PLCL2: variants seen among roughly 807,000 people sequenced by gnomAD.
PLCL2 encodes the protein inactive phospholipase C-like protein 2.
PLCL2 carries 4 observed loss-of-function variants against 79.6 expected under a neutral mutation model. The ratio of observed to expected loss-of-function variants is 0.05; its 90% CI spans 0.02 to 0.11. PLCL2 has a LOEUF of 0.11. PLCL2 is among the 10% of genes least tolerant of loss of function. PLCL2 has a pLI of 1.00. For missense variants in PLCL2, 895 were observed against 1,291.0 expected (o/e 0.69, Z 4.70); for synonymous variants, 484 against 457.7 (o/e 1.06, Z -0.73).
At chr3:16,897,364 T>G (rs1696507500) in intron 1 of PLCL2, among the ~76,000 whole-genome samples, 1 of 151,756 alleles carries the variant, frequency 6.6e-6, no homozygotes, top group African/African-American at 2.4e-5. Flanking sequence ...TAATCATTAC[T>G]GTGCAGCTCC....
At position 16,986,133 on chromosome 3, in the gene PLCL2, G is replaced by GA. The variant is rs898406092; in HGVS notation, c.328-23533dup. On this transcript the variant is annotated intron_variant, in intron 1 of 5. Transcript: ENST00000615277. ...GCAGCCAGCCATCAACCCAACTGAGGAAAAAAAATGACTAGAAATGATGTT... is the reference window on the plus strand; with the variant it reads ...GCAGCCAGCCATCAACCCAACTGAGGAAAAAAAAATGACTAGAAATGATGTT... Among the ~76,000 whole-genome samples, 165 of 151,696 alleles carry GA rather than the reference G, an allele frequency of 1.1e-3. 1 individual carries two copies. The highest frequency in any genetic ancestry group is 3.7e-3 in the African/African-American group (153 of 41,350).
At chr3:16,890,511 A>G (rs1251415730) in intron 1 of PLCL2, among the ~76,000 whole-genome samples, 1 of 152,232 alleles carries the variant, frequency 6.6e-6, no homozygotes, top group Non-Finnish European at 1.5e-5. Flanking sequence ...CTAAATGCAG[A>G]TATAAATGAA....
intron 5 of PLCL2, among the ~76,000 whole-genome samples, chr3:17,069,718 A>T (rs2065045144): frequency 6.6e-6 from 1 of 152,204 alleles, no homozygotes; most frequent in African/African-American, 2.4e-5. Flanking sequence ...ATTTGATGTA[A>T]TAAAAGGTAT....
intron 5 of PLCL2, among the ~76,000 whole-genome samples, chr3:17,075,545 T>TAA (rs61190858): frequency 0.21 from 26,680 of 129,538 alleles, 3,055 homozygotes; most frequent in East Asian, 0.54. Flanking sequence ...CTTCAATGTG[T>TAA]AAAAAAAAAA....
At chr3:16,948,753 A>C (rs928011921) in intron 1 of PLCL2, among the ~76,000 whole-genome samples, 3 of 152,214 alleles carry the variant, frequency 2.0e-5, no homozygotes, top group Non-Finnish European at 4.4e-5. Flanking sequence ...TATTCCATTA[A>C]TTTGAAAATA....
intron 1 of PLCL2, among the ~76,000 whole-genome samples, chr3:16,978,588 C>T (rs1045277170): frequency 2.0e-5 from 3 of 152,172 alleles, no homozygotes; most frequent in Non-Finnish European, 4.4e-5. Context: ...GACTAGATAT[C>T]ACCACTGAAA....
At chr3:16,943,052 C>G (rs1251537856) in intron 1 of PLCL2, among the ~76,000 whole-genome samples, 1 of 152,182 alleles carries the variant, frequency 6.6e-6, no homozygotes, top group East Asian at 1.9e-4. Flanking sequence ...TTGACTTGCC[C>G]TGAAGCAGTT....
chr3:17,034,212 A>G (rs1177688018), intron 3 of PLCL2, among the ~76,000 whole-genome samples: 2 of 152,116 alleles, frequency 1.3e-5, no homozygotes, highest in Non-Finnish European at 2.9e-5. Context: ...GAGTTGGACA[A>G]TCTTCAGGGT....
chr3:16,895,152 A>G (rs1292902560), intron 1 of PLCL2, among the ~76,000 whole-genome samples: 1 of 150,374 alleles, frequency 6.7e-6, no homozygotes, highest in East Asian at 2.0e-4. Flanking sequence ...ATATAGATAT[A>G]TGTTGAAAAT....
At chr3:16,928,066 G>C (rs989345160) in intron 1 of PLCL2, among the ~76,000 whole-genome samples, 5 of 152,164 alleles carry the variant, frequency 3.3e-5, no homozygotes, top group Non-Finnish European at 5.9e-5. Context: ...GAGGTTACAT[G>C]ACCAGCCAAA....
chr3:17,036,761 A>G (rs1284118995), intron 3 of PLCL2, among the ~76,000 whole-genome samples: 1 of 152,242 alleles, frequency 6.6e-6, no homozygotes, highest in Non-Finnish European at 1.5e-5. Flanking sequence ...AGAATATCAC[A>G]GCCTGTGCAA....
At chr3:16,934,694 A>G (rs575708741) in intron 1 of PLCL2, among the ~76,000 whole-genome samples, 1 of 152,316 alleles carries the variant, frequency 6.6e-6, no homozygotes, top group Non-Finnish European at 1.5e-5. Context: ...AAGCTGTTGC[A>G]GTAATCCAAG....
At chr3:17,089,696 C>T (rs761284577) in intron 5 of PLCL2, 37 bp from the exon 6 acceptor site, 2 of 1,195,710 alleles carry the variant, frequency 1.7e-6, no homozygotes, top group East Asian at 2.4e-5. Context: ...TAAGTTATGT[C>T]ATATCTAATA....
chr3:16,973,883 A>G (rs576952520), intron 1 of PLCL2, among the ~76,000 whole-genome samples: 16 of 152,334 alleles, frequency 1.1e-4, no homozygotes, highest in Admixed American at 4.6e-4. Context: ...TAAAATTACA[A>G]TGATGGTAAG....
chr3:17,079,172 C>G, intron 5 of PLCL2, among the ~76,000 whole-genome samples: 1 of 152,184 alleles, frequency 6.6e-6, no homozygotes, highest in Non-Finnish European at 1.5e-5. Context: ...CATGGCCCAG[C>G]CCCACTTGCC....
At position 16,884,987 on chromosome 3, in the gene PLCL2, G is replaced by GGGACGCGGGGACGCGA. The variant is rs1696170805; in HGVS notation, c.-44_-29dup. 5.2e-6 allele frequency: 1 copy of GGGACGCGGGGACGCGA among 192,984 alleles called. No individual in the cohort carries two copies. Among genetic ancestry groups the GGGACGCGGGGACGCGA allele is most frequent in the Non-Finnish European group, 1.0e-5 (1 of 96,658 alleles). The allele number at this position is 192,984 out of a possible 1,614,324, so 12.0% of individuals were successfully genotyped here. On this transcript the variant is annotated 5_prime_UTR_variant, in exon 1 of 6. Coordinates refer to ENST00000615277, the MANE Select transcript of PLCL2 (RefSeq NM_001144382.2). This position sits in a 1 kb window ranked among gnomAD's most constrained non-coding sequence, Gnocchi z 9.3. ...CGCGCGGCGGCCCGAGGCGGCGGCG[G>GGGACGCGGGGACGCGA]GGACGCGGGGACGCGAGGACGCGGC... is the stretch of plus-strand genomic sequence containing the variant.
intron 1 of PLCL2, among the ~76,000 whole-genome samples, chr3:16,962,451 ATGTT>A (rs1339454997): frequency 2.0e-5 from 3 of 148,570 alleles, no homozygotes. Context: ...AGGACCTTTG[ATGTT>A]TGATTCTTAT....
intron 2 of PLCL2, among the ~76,000 whole-genome samples, chr3:17,012,741 G>A (rs1402807433): frequency 6.6e-6 from 1 of 152,118 alleles, no homozygotes; most frequent in Non-Finnish European, 1.5e-5. Context: ...ATATATAATG[G>A]CTAAAAGCAG....
At chr3:16,899,581 G>A (rs766282897) in intron 1 of PLCL2, among the ~76,000 whole-genome samples, 4 of 152,054 alleles carry the variant, frequency 2.6e-5, no homozygotes, top group Admixed American at 6.5e-5. Context: ...AGAAGACTGT[G>A]TTTTCTCCTC....
Sources: allele counts gnomAD v4.1 joint callset (sites outside exome capture counted in the v4.1 genomes callset), GRCh38; gene constraint gnomAD v4.1.1; non-coding constraint Gnocchi (gnomAD v3.1); transcripts MANE v1.5; gene names NCBI Gene and HGNC (gene_info 2026-07-23, HGNC 2026-07-21).